Variants in BBX observed in about 807,000 individuals in gnomAD.
BBX encodes BBX high mobility group box domain containing.
A neutral mutation model predicts 100.2 loss-of-function variants in BBX; 30 were observed. The observed-to-expected ratio is 0.30, with a 90% CI of 0.22 to 0.41. BBX has a LOEUF of 0.41. BBX is among the 10% of genes least tolerant of loss of function. The pLI, the probability that BBX is intolerant of heterozygous loss-of-function variation, is 1.00. For synonymous variants in BBX, 376 were observed against 388.1 expected (o/e 0.97, Z 0.37); for missense variants, 1,023 against 1,129.8 (o/e 0.91, Z 1.35).
At chr3:107,763,279 C>T (rs534501775) in intron 10 of BBX, among the ~76,000 whole-genome samples, 16 of 148,992 alleles carry the variant, frequency 1.1e-4, no homozygotes, top group African/African-American at 1.5e-4. Flanking sequence ...GGCTGGAGTG[C>T]GGTGGCGCGA....
chr3:107,544,739 C>T (rs2049092790), intron 2 of BBX, among the ~76,000 whole-genome samples: 1 of 151,114 alleles, frequency 6.6e-6, no homozygotes, highest in Non-Finnish European at 1.5e-5. Flanking sequence ...GGCATGGTGG[C>T]TCACGTCTGT....
intron 2 of BBX, among the ~76,000 whole-genome samples, chr3:107,609,404 T>C (rs1457366491): frequency 6.6e-6 from 1 of 152,140 alleles, no homozygotes; most frequent in Non-Finnish European, 1.5e-5. Flanking sequence ...CCTTGAAGAA[T>C]GAGTTTAGAA....
At chr3:107,566,446 T>G (rs1450073445) in intron 2 of BBX, among the ~76,000 whole-genome samples, 1 of 152,062 alleles carries the variant, frequency 6.6e-6, no homozygotes, top group African/African-American at 2.4e-5. Flanking sequence ...AAAGTGAACC[T>G]CAGCTAAAAT....
rs1205107447 is a variant in BBX at position 107,807,206 on chromosome 3, T to TC, written c.*1751dup. On this transcript the variant is annotated 3_prime_UTR_variant, in exon 18 of 18. Transcript: ENST00000325805. ...AGAGGTTTTTCTTCTTGTTTTTTTT[T>TC]CCAAAGCAGGTAAAGAGGGTAGCAA... The TC allele has an allele frequency of 6.6e-6, 1 of 152,072 alleles. No homozygotes were observed. Among genetic ancestry groups the TC allele is most frequent in the Non-Finnish European group, 1.5e-5 (1 of 67,998 alleles). 9.4% of individuals were successfully genotyped at this position (152,072 alleles called of 1,614,324 possible).
chr3:107,584,782 T>C (rs908663483), intron 2 of BBX, among the ~76,000 whole-genome samples: 3 of 134,726 alleles, frequency 2.2e-5, no homozygotes, highest in African/African-American at 8.2e-5. Flanking sequence ...ACCTCCGCCT[T>C]CCGGGTTCAA....
chr3:107,683,252 C>T (rs1186323576), intron 3 of BBX, among the ~76,000 whole-genome samples: 1 of 151,946 alleles, frequency 6.6e-6, no homozygotes, highest in Non-Finnish European at 1.5e-5. Flanking sequence ...TTAGAGGTCC[C>T]CCCTGCTTCC....
chr3:107,755,019 A>T (rs763094920), intron 9 of BBX, among the ~76,000 whole-genome samples: 2 of 152,228 alleles, frequency 1.3e-5, no homozygotes, highest in Non-Finnish European at 1.5e-5. Context: ...TAGGCCATTA[A>T]CTGTACAACT....
At chr3:107,618,957 A>G (rs533066393) in intron 2 of BBX, among the ~76,000 whole-genome samples, 2 of 152,068 alleles carry the variant, frequency 1.3e-5, no homozygotes, top group South Asian at 4.2e-4. Context: ...CTGATTTTCT[A>G]ATTGTTCTGT....
chr3:107,562,340 G>A (rs1375003482), intron 2 of BBX, among the ~76,000 whole-genome samples: 1 of 152,144 alleles, frequency 6.6e-6, no homozygotes, highest in African/African-American at 2.4e-5. Context: ...TTGAACATGT[G>A]TTTTATAGAG....
rs1457095207 is a variant in BBX, at chr3:107,806,198, A to T, written c.*741A>T. 6.6e-6 allele frequency: 1 copy of T among 152,072 alleles called. No homozygotes were observed. Among genetic ancestry groups the T allele is most frequent in the East Asian group, 1.9e-4 (1 of 5,194 alleles). The allele number at this position is 152,072 out of a possible 1,614,324, so 9.4% of individuals were successfully genotyped here. Reference sequence around the variant, plus strand: ...TTCTTAGCCTTGAGTGACCAAGAAGAATTTGCTTGAGGCAAATTGTGGCAA... The same window carrying T: ...TTCTTAGCCTTGAGTGACCAAGAAGTATTTGCTTGAGGCAAATTGTGGCAA... On this transcript the variant is annotated 3_prime_UTR_variant, in exon 18 of 18. Coordinates refer to ENST00000325805, the MANE Select transcript of BBX (RefSeq NM_001142568.3).
At chr3:107,763,976 C>T (rs1406914272) in intron 10 of BBX, among the ~76,000 whole-genome samples, 2 of 152,142 alleles carry the variant, frequency 1.3e-5, no homozygotes, top group Non-Finnish European at 2.9e-5. Flanking sequence ...TCATAATTAG[C>T]ATTGTTTTTG....
intron 2 of BBX, among the ~76,000 whole-genome samples, chr3:107,541,629 G>A (rs1001996280): frequency 1.3e-5 from 2 of 152,040 alleles, no homozygotes; most frequent in Admixed American, 1.3e-4. Context: ...GGATTTGTAA[G>A]TGAGATTTGG....
rs1222661720 is a variant in BBX at position 107,683,924 on chromosome 3, T to G, written c.-9-26528T>G. The stretch of plus-strand genomic sequence containing the variant: ...CTTTATTTTTTCTTACCCAGAAAGA[T>G]TCTATTGTGGTAATGGTAACTTCTA... On this transcript the variant is annotated intron_variant, in intron 3 of 17. Coordinates refer to ENST00000325805, the MANE Select transcript of BBX (RefSeq NM_001142568.3). Among the ~76,000 whole-genome samples, 4 of 152,304 alleles carry G rather than the reference T, an allele frequency of 2.6e-5. No homozygotes were observed. In the East Asian group the frequency reaches 7.7e-4, roughly 29 times the overall value.
chr3:107,743,853 G>A (rs1278214627), intron 7 of BBX, among the ~76,000 whole-genome samples: 1 of 147,808 alleles, frequency 6.8e-6, no homozygotes, highest in Non-Finnish European at 1.5e-5. Context: ...GAATATATAA[G>A]AGTATTAACA....
intron 2 of BBX, among the ~76,000 whole-genome samples, chr3:107,619,979 C>T (rs1174449892): frequency 6.6e-6 from 1 of 151,962 alleles, no homozygotes; most frequent in African/African-American, 2.4e-5. Context: ...CTTTTTCAGC[C>T]CTGCTCTCTT....
chr3:107,734,771 T>G (rs1263153046), intron 7 of BBX, among the ~76,000 whole-genome samples: 1 of 152,198 alleles, frequency 6.6e-6, no homozygotes, highest in African/African-American at 2.4e-5. Flanking sequence ...CCCTTTTTGC[T>G]TAAAGTTTGC....
At chr3:107,582,044 C>T (rs2052315835) in intron 2 of BBX, among the ~76,000 whole-genome samples, 1 of 151,526 alleles carries the variant, frequency 6.6e-6, no homozygotes, top group African/African-American at 2.4e-5. Context: ...TTAATGTTTT[C>T]CCCCAAAACT....
At chr3:107,572,096 G>A (rs2051411568) in intron 2 of BBX, among the ~76,000 whole-genome samples, 1 of 152,220 alleles carries the variant, frequency 6.6e-6, no homozygotes, top group Non-Finnish European at 1.5e-5. Context: ...ATTATATCAT[G>A]TTAGACTAAG....
At chr3:107,789,994 C>A in intron 14 of BBX, 118 bp downstream of exon 14, 2 of 680,288 alleles carry the variant, frequency 2.9e-6, no homozygotes, top group Non-Finnish European at 4.8e-6. Flanking sequence ...TGCTTCAGTG[C>A]CATCAGCTCC....
Sources: gnomAD v4.1 joint callset for allele counts (sites outside exome capture counted in the v4.1 genomes callset) on GRCh38, gnomAD v4.1.1 for gene constraint, MANE v1.5 for transcripts, NCBI Gene and HGNC (gene_info 2026-07-23, HGNC 2026-07-21) for gene names.